PCDHGA1: variants seen among roughly 807,000 people sequenced by gnomAD.
PCDHGA1 encodes protocadherin gamma subfamily A, 1.
A neutral mutation model predicts 58.0 loss-of-function variants in PCDHGA1; 32 were observed. The observed-to-expected ratio is 0.55, with a 90% confidence interval of 0.42 to 0.74. The LOEUF (loss-of-function observed/expected upper bound fraction) is 0.74. PCDHGA1 is among the 30% of genes least tolerant of loss of function. The pLI is 0.00. For missense variants in PCDHGA1, 1,205 were observed against 1,182.3 expected (o/e 1.02, Z -0.28); for synonymous variants, 498 against 501.1 (o/e 0.99, Z 0.08).
Position 141,505,473 on chromosome 5 carries a change from C to T in PCDHGA1, c.2561C>T (p.Ser854Phe). The change falls in exon 3 of 4, where the codon TCC (serine) becomes TTC (phenylalanine). Residue 854 changes from serine to phenylalanine, a missense_variant. Transcript: ENST00000517417. Reference sequence around the variant, plus strand: ...ATGCTGCAAGCCATGATCTTGGCGTCCGCCAGTGGTAAGTGGTGTCAGTGT... The same window carrying T: ...ATGCTGCAAGCCATGATCTTGGCGTTCGCCAGTGGTAAGTGGTGTCAGTGT... ...TEMLQAMILA[S>F]ASEAADGSST... is the part of the protein sequence containing the mutation. The T allele has an allele frequency of 6.2e-7, 1 of 1,614,188 alleles. No homozygotes were observed. Among genetic ancestry groups the T allele is most frequent in the Non-Finnish European group, 8.5e-7 (1 of 1,180,014 alleles).
At position 141,330,547 on chromosome 5, in the gene PCDHGA1, G is replaced by A. The variant is rs139818634; in HGVS notation, c.-138G>A. 4,572 of 897,830 alleles carry A rather than the reference G, an allele frequency of 5.1e-3. 274 individuals carry two copies. In the Admixed American group the frequency reaches 0.11, roughly 21 times the overall value. The allele number at this position is 897,830 out of a possible 1,614,324, so 55.6% of individuals were successfully genotyped here. A position where few individuals can be genotyped will look rare whatever the true frequency, so the allele number is the denominator to read the frequency against. On this transcript the variant is annotated 5_prime_UTR_variant, in exon 1 of 4. Coordinates refer to ENST00000517417, the MANE Select transcript of PCDHGA1 (RefSeq NM_018912.3). ...ATAACCGCCAGATTGAAAACTGACTGTCCAAGACTGCCTAAATCCTACTTC... is the reference window on the plus strand; with the variant it reads ...ATAACCGCCAGATTGAAAACTGACTATCCAAGACTGCCTAAATCCTACTTC...
At chr5:141,371,658 A>T (rs764550191) in intron 1 of PCDHGA1, 4 of 1,613,920 alleles carry the variant, frequency 2.5e-6, no homozygotes. Context: ...CAATGTGACG[A>T]TCACAGCTAC....
chr5:141,346,398 G>A (rs1757748400), intron 1 of PCDHGA1: 3 of 1,614,242 alleles, frequency 1.9e-6, no homozygotes, highest in South Asian at 1.1e-5. Flanking sequence ...TGAGAAAAGC[G>A]AGCCTCTTCT....
Position 141,334,153 on chromosome 5 carries a change from A to C in PCDHGA1, c.2421+1048A>C, listed in dbSNP as rs1756503442. 6.6e-6 allele frequency: 1 copy of C among 152,262 alleles called. No individual in the cohort carries two copies. The highest frequency in any genetic ancestry group is 6.5e-5 in the Admixed American group (1 of 15,292). The allele number at this position is 152,262 out of a possible 1,614,324, so 9.4% of individuals were successfully genotyped here. On this transcript the variant is annotated intron_variant, in intron 1 of 3. Transcript: ENST00000517417. The surrounding 1 kb of genome is among the most constrained non-coding windows in gnomAD (Gnocchi z 4.6). ...CAAAGTGGTGAGCTAGTCTAAAGCCATGTGAGTTATAGTCTTGGACTTAAA... is the reference window on the plus strand; with the variant it reads ...CAAAGTGGTGAGCTAGTCTAAAGCCCTGTGAGTTATAGTCTTGGACTTAAA...
rs760316359 is a variant in PCDHGA1 at position 141,360,511 on chromosome 5, A to G, written c.2421+27406A>G. On this transcript the variant is annotated intron_variant, in intron 1 of 3. Coordinates refer to ENST00000517417, the MANE Select transcript of PCDHGA1 (RefSeq NM_018912.3). Reference sequence around the variant, plus strand: ...CTACATAGCAGTAATTGTGCAGGATATAAATGATAATACCCCGCTATTCAA... The same window carrying G: ...CTACATAGCAGTAATTGTGCAGGATGTAAATGATAATACCCCGCTATTCAA... 5.6e-6 allele frequency: 9 copies of G among 1,613,906 alleles called. No individual in the cohort carries two copies. In the East Asian group the frequency reaches 1.1e-4, roughly 20 times the overall value.
Position 141,404,638 on chromosome 5 carries a change from C to T in PCDHGA1, c.2421+71533C>T, listed in dbSNP as rs776247476. On this transcript the variant is annotated intron_variant, in intron 1 of 3. Coordinates refer to ENST00000517417, the MANE Select transcript of PCDHGA1 (RefSeq NM_018912.3). Reference sequence around the variant, plus strand: ...ACCAGAATGACAATGCCCCAGAAATCCTGTACCCTGCCCTCCCCACTGATG... The same window carrying T: ...ACCAGAATGACAATGCCCCAGAAATTCTGTACCCTGCCCTCCCCACTGATG... 5 of 1,614,194 alleles carry T rather than the reference C, an allele frequency of 3.1e-6. No homozygotes were observed. In the South Asian group the frequency reaches 5.5e-5, roughly 18 times the overall value.
At chr5:141,423,440 C>G in intron 1 of PCDHGA1, 1 of 1,613,970 alleles carries the variant, frequency 6.2e-7, no homozygotes, top group South Asian at 1.1e-5. Context: ...GGTATGCCCA[C>G]GTCACATTTT....
At chr5:141,465,812 T>A (rs533291720) in intron 1 of PCDHGA1, among the ~76,000 whole-genome samples, 1 of 152,082 alleles carries the variant, frequency 6.6e-6, no homozygotes, top group South Asian at 2.1e-4. Flanking sequence ...TTCAGGATCT[T>A]GATCACATTT....
intron 1 of PCDHGA1, among the ~76,000 whole-genome samples, chr5:141,347,888 A>T (rs1371137056): frequency 3.3e-5 from 5 of 152,176 alleles, no homozygotes; most frequent in African/African-American, 7.2e-5. Flanking sequence ...TTTGATTTCA[A>T]CATTTTGCCT....
intron 1 of PCDHGA1, chr5:141,441,671 C>A (rs1027440120): frequency 7.0e-6 from 2 of 287,530 alleles, no homozygotes; most frequent in South Asian, 2.9e-5. Flanking sequence ...GCGCACAGTG[C>A]GCCTTCGACC....
chr5:141,366,422 G>A (rs1334545413), intron 1 of PCDHGA1: 6 of 1,614,152 alleles, frequency 3.7e-6, no homozygotes, highest in South Asian at 1.1e-5. Context: ...GGTGGCAGTG[G>A]CTGCAGTCTC....
chr5:141,379,104 A>C (rs955091727), intron 1 of PCDHGA1: 1 of 152,246 alleles, frequency 6.6e-6, no homozygotes, highest in Admixed American at 6.5e-5. Flanking sequence ...AGAAAAAAGC[A>C]ATTGAGAAGA....
At chr5:141,381,370 G>A (rs562934988) in intron 1 of PCDHGA1, among the ~76,000 whole-genome samples, 1 of 152,320 alleles carries the variant, frequency 6.6e-6, no homozygotes, top group East Asian at 1.9e-4. Context: ...GGTAGCCTCG[G>A]ATCCATCAAT....
chr5:141,425,943 C>T (rs2096904576), intron 1 of PCDHGA1, among the ~76,000 whole-genome samples: 1 of 152,220 alleles, frequency 6.6e-6, no homozygotes, highest in African/African-American at 2.4e-5. Flanking sequence ...TGTCTAGTTT[C>T]CTATACATTA....
chr5:141,376,773 G>C (rs1773367206), intron 1 of PCDHGA1: 1 of 400,516 alleles, frequency 2.5e-6, no homozygotes, highest in South Asian at 3.1e-5. Context: ...TGCAAGCTCC[G>C]CTTCCCGGGT....
At chr5:141,341,240 G>A (rs1357109474) in intron 1 of PCDHGA1, 1 of 1,614,088 alleles carries the variant, frequency 6.2e-7, no homozygotes, top group East Asian at 2.2e-5. Flanking sequence ...TTCCCACGAG[G>A]TCTCCCTCAC....
Position 141,332,811 on chromosome 5 carries a change from C to A in PCDHGA1, c.2127C>A (p.Ile709=). The A allele has an allele frequency of 6.2e-7, 1 of 1,614,226 alleles. No individual in the cohort carries two copies. The highest frequency in any genetic ancestry group is 8.5e-7 in the Non-Finnish European group (1 of 1,180,040). ...CCTGCGTCTTCCTGGCCTTCGTCAT[C>A]GTGCTGCTGGCGCACAGGCTGCGGC... ...AVSCVFLAFV[I]VLLAHRLRRW... The change falls in exon 1 of 4, where the codon ATC becomes ATA. Residue 709 remains isoleucine, a synonymous_variant. Coordinates refer to ENST00000517417, the MANE Select transcript of PCDHGA1 (RefSeq NM_018912.3). The surrounding 1 kb of genome is among the most constrained non-coding windows in gnomAD (Gnocchi z 4.6).
chr5:141,353,792 A>G (rs1327705578), intron 1 of PCDHGA1, among the ~76,000 whole-genome samples: 1 of 152,212 alleles, frequency 6.6e-6, no homozygotes, highest in African/African-American at 2.4e-5. Context: ...TTATTTCCAA[A>G]CATCTTATTT....
At position 141,486,996 on chromosome 5, in the gene PCDHGA1, A is replaced by G; in HGVS notation, c.2422-7811A>G. ...TCAGGTTACAATGCTTGGGTTTCCT[A>G]TCAGCTCCTGGAGGCCCCAGATCCC... On this transcript the variant is annotated intron_variant, in intron 1 of 3. Coordinates refer to ENST00000517417, the MANE Select transcript of PCDHGA1 (RefSeq NM_018912.3). This position sits in a 1 kb window ranked among gnomAD's most constrained non-coding sequence, Gnocchi z 5.0. 6.2e-7 allele frequency: 1 copy of G among 1,614,152 alleles called. No individual in the cohort carries two copies. Among genetic ancestry groups the G allele is most frequent in the Non-Finnish European group, 8.5e-7 (1 of 1,180,032 alleles).
Sources: gnomAD v4.1 joint callset for allele counts (sites outside exome capture counted in the v4.1 genomes callset) on GRCh38, gnomAD v4.1.1 for gene constraint, Gnocchi (gnomAD v3.1) non-coding constraint, MANE v1.5 for transcripts, NCBI Gene and HGNC (gene_info 2026-07-23, HGNC 2026-07-21) for gene names.